ANKRD36C: variants seen among roughly 807,000 people sequenced by gnomAD.
The protein encoded by ANKRD36C is ankyrin repeat domain 36C.
A neutral mutation model predicts 276.4 loss-of-function variants in ANKRD36C; 61 were observed. That is an observed-to-expected ratio of 0.22 (90% confidence interval 0.18 to 0.27). The LOEUF (loss-of-function observed/expected upper bound fraction) is 0.27, where lower values mean the gene tolerates loss of function less well. Among genes scored for constraint, ANKRD36C ranks in the 10% least tolerant of loss-of-function variants. ANKRD36C has a pLI of 1.00. For synonymous variants in ANKRD36C, 483 were observed against 680.1 expected (o/e 0.71, Z 4.51); for missense variants, 1,447 against 2,032.3 (o/e 0.71, Z 5.54).
At chr2:95,986,981 G>A (rs1339979101) in intron 2 of ANKRD36C, 57 bp from the exon 3 acceptor site, 15 of 1,610,972 alleles carry the variant, frequency 9.3e-6, no homozygotes, top group East Asian at 4.5e-5. Context: ...TAAACACTCC[G>A]TAGGATTTCC....
At chr2:95,910,029 T>G (rs1676863791) in intron 42 of ANKRD36C, among the ~76,000 whole-genome samples, 1 of 151,302 alleles carries the variant, frequency 6.6e-6, no homozygotes, top group Admixed American at 6.6e-5. Flanking sequence ...CGATGTGACG[T>G]CTGTAAAATC....
At chr2:95,858,546 A>T (rs2104259559) in intron 61 of ANKRD36C, among the ~76,000 whole-genome samples, 1 of 152,334 alleles carries the variant, frequency 6.6e-6, no homozygotes, top group South Asian at 2.1e-4. Context: ...TCACACAGTA[A>T]TTACTCCTCA....
intron 10 of ANKRD36C, among the ~76,000 whole-genome samples, chr2:95,959,785 AT>A (rs1302143067): frequency 6.6e-6 from 1 of 152,202 alleles, no homozygotes; most frequent in Non-Finnish European, 1.5e-5. Flanking sequence ...AACAAAACAT[AT>A]ATCTCTGATG....
At chr2:95,923,554 T>C in exon 32 of ANKRD36C, 2 of 1,610,764 alleles carry the variant, frequency 1.2e-6, no homozygotes, top group Non-Finnish European at 1.7e-6. Flanking sequence ...AGAATCTGTC[T>C]TGTCACTTGT....
At chr2:95,874,817 C>T (rs903001466) in intron 59 of ANKRD36C, among the ~76,000 whole-genome samples, 7 of 152,098 alleles carry the variant, frequency 4.6e-5, no homozygotes, top group South Asian at 2.1e-4. Flanking sequence ...TACAATGAAC[C>T]CAAACAAATT....
chr2:95,978,342 T>C (rs927342485), intron 5 of ANKRD36C, among the ~76,000 whole-genome samples, 153 bp from the exon 6 acceptor site: 3 of 152,084 alleles, frequency 2.0e-5, no homozygotes, highest in African/African-American at 4.8e-5. Flanking sequence ...TCTTAGTACC[T>C]TTCTAATTAA....
intron 44 of ANKRD36C, 107 bp from the exon 63 acceptor site, chr2:95,893,831 G>A (rs1233040321): frequency 1.8e-5 from 28 of 1,566,798 alleles, no homozygotes; most frequent in South Asian, 1.1e-4. Context: ...CTGTATTAGC[G>A]TAGGCTTTAA....
intron 17 of ANKRD36C, among the ~76,000 whole-genome samples, chr2:95,946,701 A>G (rs1290384573): frequency 6.6e-6 from 1 of 151,980 alleles, no homozygotes; most frequent in African/African-American, 2.4e-5. Flanking sequence ...AATGTGGCAC[A>G]TATACACCAT....
intron 44 of ANKRD36C, among the ~76,000 whole-genome samples, chr2:95,896,407 A>G (rs1238251913): frequency 6.7e-6 from 1 of 148,958 alleles, no homozygotes. Context: ...TTTAGGAGTT[A>G]GTTAGAATTC....
intron 6 of ANKRD36C, among the ~76,000 whole-genome samples, chr2:95,976,859 T>G (rs1037488894): frequency 6.6e-5 from 10 of 151,982 alleles, no homozygotes; most frequent in Non-Finnish European, 1.2e-4. Context: ...TTCTCACTTT[T>G]TTTATTTTTG....
At chr2:95,880,523 G>T in intron 57 of ANKRD36C, 24 bp from the exon 78 acceptor site, 2 of 1,541,168 alleles carry the variant, frequency 1.3e-6, no homozygotes, top group Non-Finnish European at 1.8e-6. Context: ...AAAACAAAGT[G>T]ATTAGCACAT....
At position 95,957,508 on chromosome 2, in the gene ANKRD36C, G is replaced by C. The variant is rs540341691; in HGVS notation, c.1106-692C>G. 3.3e-5 allele frequency among the ~76,000 whole-genome samples: 5 copies of C among 152,398 alleles called. No individual in the cohort carries two copies. In the South Asian group the frequency reaches 1.0e-3, roughly 32 times the overall value. On this transcript the variant is annotated intron_variant, in intron 12 of 66. Transcript: ENST00000456556. The stretch of plus-strand genomic sequence containing the variant: ...TCATACCCATGTGGTATAATAATGA[G>C]CCTACACTTTTGTATTTTCTGGTTT...
chr2:95,851,744 GT>G lies in ANKRD36C; in HGVS notation c.5262del (p.Lys1754AsnfsTer18), dbSNP rs1361293529. 6.5e-7 allele frequency: 1 copy of G among 1,534,810 alleles called. No individual in the cohort carries two copies. The highest frequency in any genetic ancestry group is 1.2e-5 in the South Asian group (1 of 83,494). Reference sequence around the variant, plus strand: ...TCAAACCGCTCAATTTGTTCATCCTGTTTTTTAATAATTTTTCTCATCATGA... The same window carrying G: ...TCAAACCGCTCAATTTGTTCATCCTGTTTTTAATAATTTTTCTCATCATGA... On this transcript the variant is annotated frameshift_variant, in exon 66 of 67. Transcript: ENST00000456556. LOFTEE classifies it high-confidence loss of function.
chr2:95,965,954 T>C (rs1156920558), intron 6 of ANKRD36C, among the ~76,000 whole-genome samples: 4 of 152,158 alleles, frequency 2.6e-5, no homozygotes, highest in Non-Finnish European at 4.4e-5. Context: ...CTTTTTCTTT[T>C]TTAAAAAAAA....
chr2:95,911,134 A>G (rs910100519), intron 42 of ANKRD36C, among the ~76,000 whole-genome samples: 1 of 151,454 alleles, frequency 6.6e-6, no homozygotes. Context: ...GTAGATAATA[A>G]TCATTATCTC....
chr2:95,879,400 A>C (rs1317992334), intron 58 of ANKRD36C, among the ~76,000 whole-genome samples: 5 of 151,772 alleles, frequency 3.3e-5, no homozygotes, highest in Admixed American at 2.0e-4. Flanking sequence ...CAAAAACATG[A>C]CTACAGTCAG....
intron 8 of ANKRD36C, among the ~76,000 whole-genome samples, chr2:95,960,878 CAT>C (rs1678444221): frequency 6.6e-6 from 1 of 151,698 alleles, no homozygotes; most frequent in Non-Finnish European, 1.5e-5. Context: ...CTTCCAATTT[CAT>C]ATGTGATATT....
intron 24 of ANKRD36C, among the ~76,000 whole-genome samples, chr2:95,930,275 G>C (rs75948369): frequency 2.6e-5 from 4 of 151,322 alleles, no homozygotes; most frequent in Admixed American, 2.6e-4. Context: ...GGTGCCCAAT[G>C]GTAACAAAGA....
At chr2:95,902,861 A>G (rs1207254901) in intron 42 of ANKRD36C, 25 bp downstream of exon 54, 1 of 1,548,584 alleles carries the variant, frequency 6.5e-7, no homozygotes, top group Non-Finnish European at 8.7e-7. Context: ...ACTGAACATG[A>G]CATTAAATCT....
Sources: gnomAD v4.1 joint callset for allele counts (sites outside exome capture counted in the v4.1 genomes callset) on GRCh38, gnomAD v4.1.1 for gene constraint, MANE v1.5 for transcripts, NCBI Gene and HGNC (gene_info 2026-07-23, HGNC 2026-07-21) for gene names.